Variants in EPHA7 observed in about 807,000 individuals in gnomAD.
EPHA7 encodes the protein ephrin type-A receptor 7.
EPHA7 carries 25 observed loss-of-function variants against 112.6 expected under a neutral mutation model. The observed-to-expected ratio is 0.22, with a 90% CI of 0.16 to 0.31. The LOEUF is 0.31. Ranked by LOEUF, EPHA7 falls within the 10% of genes least tolerant of loss-of-function variation. The pLI is 1.00. For synonymous variants in EPHA7, 437 were observed against 406.5 expected (o/e 1.07, Z -0.90); for missense variants, 962 against 1,212.6 (o/e 0.79, Z 3.07).
At chr6:93,382,893 T>G (rs1044748801) in intron 3 of EPHA7, among the ~76,000 whole-genome samples, 1 of 152,136 alleles carries the variant, frequency 6.6e-6, no homozygotes, top group African/African-American at 2.4e-5. Flanking sequence ...AGAGCCACAT[T>G]CATTCTAAGA....
Position 93,323,337 on chromosome 6 carries a change from G to A in EPHA7, c.1324+33380C>T, listed in dbSNP as rs187029515. Reference sequence around the variant, plus strand: ...GTAAAACGTTTTCGAGTGCATTTAGGACTCTTGTCATTCTTCCACGAATTC... The same window carrying A: ...GTAAAACGTTTTCGAGTGCATTTAGAACTCTTGTCATTCTTCCACGAATTC... On this transcript the variant is annotated intron_variant, in intron 5 of 16. Transcript: ENST00000369303. 9.5e-4 allele frequency among the ~76,000 whole-genome samples: 144 copies of A among 151,354 alleles called. 1 individual carries two copies. Among genetic ancestry groups the A allele is most frequent in the Middle Eastern group, 6.8e-3 (2 of 294 alleles).
intron 5 of EPHA7, among the ~76,000 whole-genome samples, chr6:93,327,195 C>T (rs1774364556): frequency 6.6e-6 from 1 of 151,536 alleles, no homozygotes; most frequent in South Asian, 2.1e-4. Flanking sequence ...TCTCACTCCT[C>T]ACCTTGCAGA....
chr6:93,383,891 T>C (rs571302720), intron 3 of EPHA7, among the ~76,000 whole-genome samples: 29 of 152,124 alleles, frequency 1.9e-4, no homozygotes, highest in Admixed American at 7.2e-4. Flanking sequence ...TCTTGCTTTG[T>C]TGCCCAGGCT....
chr6:93,325,991 C>G (rs1774299387), intron 5 of EPHA7, among the ~76,000 whole-genome samples: 1 of 151,332 alleles, frequency 6.6e-6, no homozygotes, highest in Non-Finnish European at 1.5e-5. Context: ...TCTTCGCCAT[C>G]AATGAGATCT....
intron 5 of EPHA7, among the ~76,000 whole-genome samples, chr6:93,353,935 C>T (rs1190254212): frequency 6.6e-6 from 1 of 152,060 alleles, no homozygotes; most frequent in Non-Finnish European, 1.5e-5. Flanking sequence ...AGAAAAGGAA[C>T]TACAAAGTAC....
At chr6:93,364,479 G>A (rs1776407218) in intron 3 of EPHA7, among the ~76,000 whole-genome samples, 1 of 149,190 alleles carries the variant, frequency 6.7e-6, no homozygotes, top group African/African-American at 2.5e-5. Context: ...AGCCGAGATG[G>A]TGCCACTGCA....
At chr6:93,339,050 C>A (rs1360466880) in intron 5 of EPHA7, among the ~76,000 whole-genome samples, 2 of 150,958 alleles carry the variant, frequency 1.3e-5, no homozygotes, top group Non-Finnish European at 3.0e-5. Context: ...ATAACAATTT[C>A]TCAAAGTGTA....
At chr6:93,295,118 G>A (rs1224692192) in intron 5 of EPHA7, among the ~76,000 whole-genome samples, 1 of 151,842 alleles carries the variant, frequency 6.6e-6, no homozygotes, top group Non-Finnish European at 1.5e-5. Flanking sequence ...TGGGGAGAGA[G>A]AGAGAGATCA....
chr6:93,331,853 C>T (rs999093751), intron 5 of EPHA7, among the ~76,000 whole-genome samples: 5 of 151,544 alleles, frequency 3.3e-5, no homozygotes, highest in Non-Finnish European at 1.5e-5. Context: ...CTTTTCATAG[C>T]ATCCACAAGC....
intron 3 of EPHA7, among the ~76,000 whole-genome samples, chr6:93,365,981 A>G (rs1776488073): frequency 6.6e-6 from 1 of 152,200 alleles, no homozygotes; most frequent in Admixed American, 6.5e-5. Context: ...TAAAGTTTAG[A>G]ATGTAAAATG....
rs140191777 is a variant in EPHA7, at chr6:93,410,543, T to C, written c.790A>G (p.Ile264Val). 16 of 1,613,824 alleles carry C rather than the reference T, an allele frequency of 9.9e-6. No individual in the cohort carries two copies. Among genetic ancestry groups the C allele is most frequent in the African/African-American group, 6.7e-5 (5 of 74,904 alleles). The change falls in exon 3 of 17, where the codon ATC becomes GTC. Residue 264 changes from isoleucine to valine, a missense_variant. This residue lies in a region of EPHA7 where 160 missense variants were observed against 263.6 expected (regional missense o/e 0.61). Transcript: ENST00000369303. The surrounding 1 kb of genome is among the most constrained non-coding windows in gnomAD (Gnocchi z 4.0). ...TTTTGCTGGTAGCCTGCTTTGCAGATACATTTTCCAATGGGCACTAACCAT... is the reference window on the plus strand; with the variant it reads ...TTTTGCTGGTAGCCTGCTTTGCAGACACATTTTCCAATGGGCACTAACCAT... The part of the protein sequence containing the change: ...GEWLVPIGKC[I>V]CKAGYQQKGD...
At chr6:93,309,031 C>T (rs550083948) in intron 5 of EPHA7, among the ~76,000 whole-genome samples, 1 of 152,146 alleles carries the variant, frequency 6.6e-6, no homozygotes, top group East Asian at 1.9e-4. Flanking sequence ...TCACTGCAAC[C>T]TCCACCTCCC....
At chr6:93,283,296 C>T (rs1263445289) in intron 5 of EPHA7, among the ~76,000 whole-genome samples, 1 of 152,106 alleles carries the variant, frequency 6.6e-6, no homozygotes, top group Non-Finnish European at 1.5e-5. Context: ...CCAATCAGCA[C>T]CCTGTCAAAA....
chr6:93,262,757 T>C (rs763653407), intron 9 of EPHA7, among the ~76,000 whole-genome samples: 3 of 151,258 alleles, frequency 2.0e-5, no homozygotes, highest in Admixed American at 6.6e-5. Flanking sequence ...TACAAACACA[T>C]TGAGAAAATT....
chr6:93,299,943 T>C (rs530472209), intron 5 of EPHA7, among the ~76,000 whole-genome samples: 77 of 151,936 alleles, frequency 5.1e-4, no homozygotes, highest in African/African-American at 1.7e-3. Flanking sequence ...TGGACACAAA[T>C]AGGGGAACAG....
At chr6:93,291,190 G>GTTTA (rs1772342891) in intron 5 of EPHA7, among the ~76,000 whole-genome samples, 1 of 152,074 alleles carries the variant, frequency 6.6e-6, no homozygotes, top group East Asian at 1.9e-4. Flanking sequence ...AAGCAATTGT[G>GTTTA]TAACATATTT....
At chr6:93,380,340 T>C (rs763137711) in intron 3 of EPHA7, among the ~76,000 whole-genome samples, 6 of 152,146 alleles carry the variant, frequency 3.9e-5, no homozygotes, top group Non-Finnish European at 8.8e-5. Context: ...TTACAGTATA[T>C]AATACAAAAG....
intron 3 of EPHA7, among the ~76,000 whole-genome samples, chr6:93,407,388 A>T (rs1778770667): frequency 6.6e-6 from 1 of 152,012 alleles, no homozygotes; most frequent in African/African-American, 2.4e-5. Context: ...GAATACTATA[A>T]AGGCAAGCCT....
At chr6:93,353,016 T>A (rs2127939759) in intron 5 of EPHA7, among the ~76,000 whole-genome samples, 1 of 152,138 alleles carries the variant, frequency 6.6e-6, no homozygotes, top group Non-Finnish European at 1.5e-5. Context: ...GATGAAATAA[T>A]CTATACAACT....
Sources: gnomAD v4.1 joint callset for allele counts (sites outside exome capture counted in the v4.1 genomes callset) on GRCh38, gnomAD v4.1.1 for gene constraint, gnomAD v4.1.1 regional missense constraint, Gnocchi (gnomAD v3.1) non-coding constraint, MANE v1.5 for transcripts, NCBI Gene and HGNC (gene_info 2026-07-23, HGNC 2026-07-21) for gene names.